Variants in PI4KA observed in about 807,000 individuals in gnomAD.
The protein encoded by PI4KA is PI4-kinase alpha.
PI4KA carries 122 observed loss-of-function variants against 271.4 expected under a neutral mutation model. The observed-to-expected ratio is 0.45, with a 90% confidence interval of 0.39 to 0.52. PI4KA has a LOEUF of 0.52. Ranked by LOEUF, PI4KA falls within the 20% of genes least tolerant of loss-of-function variation. PI4KA has a pLI of 0.00. For synonymous variants in PI4KA, 1,041 were observed against 1,078.8 expected (o/e 0.96, Z 0.69); for missense variants, 1,969 against 2,769.1 (o/e 0.71, Z 6.48).
chr22:20,841,620 G>A (rs1347284426), intron 1 of PI4KA, among the ~76,000 whole-genome samples: 1 of 152,194 alleles, frequency 6.6e-6, no homozygotes, highest in Non-Finnish European at 1.5e-5. Context: ...ATGTCAGGCA[G>A]AATAATGGCA....
At chr22:20,847,067 G>A (rs193128581) in intron 1 of PI4KA, among the ~76,000 whole-genome samples, 13 of 150,946 alleles carry the variant, frequency 8.6e-5, no homozygotes, top group Non-Finnish European at 1.6e-4. Flanking sequence ...AGAATCACTT[G>A]AACCGAGGAG....
At chr22:20,813,243 A>C in intron 8 of PI4KA, 115 bp downstream of exon 8, 1 of 760,584 alleles carries the variant, frequency 1.3e-6, no homozygotes, top group Non-Finnish European at 2.2e-6. Context: ...TATGACTATT[A>C]AATTGTACTT....
intron 27 of PI4KA, 33 bp from the exon 28 acceptor site, chr22:20,750,027 C>T (rs146340712): frequency 9.6e-6 from 14 of 1,452,396 alleles, no homozygotes; most frequent in East Asian, 6.8e-5. Context: ...CTCAACAACC[C>T]GAGGTCAGTT....
At position 20,805,267 on chromosome 22, in the gene PI4KA, GA is replaced by G. The variant is rs1213886480; in HGVS notation, c.1169-103del. On this transcript the variant is annotated intron_variant, in intron 10 of 54. Transcript: ENST00000255882. ...TCTTCCCCTTTTAACAAAAACCCCA[GA>G]AAAGTAGCATTTGCTACTGGCCACT... 9.8e-6 allele frequency: 8 copies of G among 813,716 alleles called. No individual in the cohort carries two copies. In the East Asian group the frequency reaches 1.8e-4, roughly 18 times the overall value. The allele number at this position is 813,716 out of a possible 1,614,324, so 50.4% of individuals were successfully genotyped here. A position where few individuals can be genotyped will look rare whatever the true frequency, so the allele number is the denominator to read the frequency against.
At chr22:20,826,848 T>C (rs1216925126) in intron 3 of PI4KA, among the ~76,000 whole-genome samples, 2 of 152,234 alleles carry the variant, frequency 1.3e-5, no homozygotes, top group African/African-American at 4.8e-5. Context: ...GCCACTTGTA[T>C]GTCTTCTTTT....
At chr22:20,820,042 G>A (rs936002563) in intron 5 of PI4KA, 142 bp from the exon 6 acceptor site, 3 of 737,876 alleles carry the variant, frequency 4.1e-6, no homozygotes, top group South Asian at 1.8e-5. Flanking sequence ...CACAATAATG[G>A]GGTCCACCCC....
rs998423194 is a variant in PI4KA, at chr22:20,729,366, G to A, written c.4629C>T (p.Asn1543=). Residue 1543 remains asparagine, a synonymous_variant, in exon 39 of 55, where the codon AAC becomes AAT. Coordinates refer to ENST00000255882, the MANE Select transcript of PI4KA (RefSeq NM_058004.4). ...GAGAGATGCTCCAGGCGAGGTTCAC[G>A]TTGTCCTTCCACTGCTTCTCACTCA... The part of the protein sequence containing the change: ...ISLSEKQWKD[N]VNLAWSISPY... 25 of 1,613,998 alleles carry A rather than the reference G, an allele frequency of 1.5e-5. No individual in the cohort carries two copies. The highest frequency in any genetic ancestry group is 6.7e-5 in the African/African-American group (5 of 74,924).
At chr22:20,766,813 G>A (rs76907437) in intron 19 of PI4KA, among the ~76,000 whole-genome samples, 4,495 of 152,208 alleles carry the variant, frequency 0.03, 88 homozygotes, top group Middle Eastern at 0.061. Flanking sequence ...ATGAGCACCT[G>A]GTATGGGCCA....
At chr22:20,787,049 A>T in intron 19 of PI4KA, 1 of 1,614,174 alleles carries the variant, frequency 6.2e-7, no homozygotes, top group Non-Finnish European at 8.5e-7. Context: ...AAGAGTGGCC[A>T]ACCCCAGCAG....
At chr22:20,817,551 A>G (rs1921971437) in intron 7 of PI4KA, among the ~76,000 whole-genome samples, 1 of 151,578 alleles carries the variant, frequency 6.6e-6, no homozygotes, top group Non-Finnish European at 1.5e-5. Context: ...CCTGGGCAAC[A>G]TGGCAAAACC....
intron 3 of PI4KA, among the ~76,000 whole-genome samples, chr22:20,826,350 T>C (rs1399507969): frequency 6.6e-6 from 1 of 151,994 alleles, no homozygotes; most frequent in African/African-American, 2.4e-5. Context: ...CAAAAAAAGA[T>C]AAAATAAAAT....
intron 1 of PI4KA, among the ~76,000 whole-genome samples, chr22:20,856,806 G>A (rs1445994104): frequency 2.6e-5 from 4 of 152,194 alleles, no homozygotes; most frequent in African/African-American, 9.7e-5. Context: ...GAATGTTCTC[G>A]TGACTAGTGA....
intron 1 of PI4KA, among the ~76,000 whole-genome samples, chr22:20,856,641 C>T (rs547475615): frequency 6.6e-6 from 1 of 152,172 alleles, no homozygotes; most frequent in African/African-American, 2.4e-5. Context: ...ACCATGTTGG[C>T]CAGGCTGGTC....
intron 14 of PI4KA, 21 bp downstream of exon 14, chr22:20,801,952 G>A (rs756230052): frequency 2.7e-5 from 43 of 1,612,672 alleles, no homozygotes; most frequent in East Asian, 4.5e-5. Flanking sequence ...CTGTCTACTC[G>A]CCACTTGCCC....
chr22:20,821,299 A>C (rs552916012), intron 4 of PI4KA, among the ~76,000 whole-genome samples: 5 of 151,302 alleles, frequency 3.3e-5, no homozygotes, highest in African/African-American at 9.7e-5. Flanking sequence ...GCTTACTGCA[A>C]CCTCCACCTC....
intron 19 of PI4KA, among the ~76,000 whole-genome samples, chr22:20,791,674 C>T (rs1934654296): frequency 6.6e-6 from 1 of 152,090 alleles, no homozygotes; most frequent in Admixed American, 6.5e-5. Context: ...GGGAAGATTG[C>T]TTGAGCTCCA....
chr22:20,728,059 CAAT>C (rs1271206704), intron 39 of PI4KA, among the ~76,000 whole-genome samples, 195 bp from the exon 40 acceptor site: 1 of 152,100 alleles, frequency 6.6e-6, no homozygotes, highest in Non-Finnish European at 1.5e-5. Flanking sequence ...GGACTACAGC[CAAT>C]AATAACTTAA....
At position 20,714,161 on chromosome 22, in the gene PI4KA, C is replaced by T. The variant is rs146098392; in HGVS notation, c.5461+297G>A. ...GCCTCCAGAACTGAGATCGTCCGTA[C>T]GGTAGCCCTGGGAAACTAACACCCC... On this transcript the variant is annotated intron_variant, in intron 47 of 54. Transcript: ENST00000255882. Among the ~76,000 whole-genome samples the T allele has an allele frequency of 5.9e-3, 896 of 152,130 alleles. 8 individuals carry two copies. The highest frequency in any genetic ancestry group is 0.055 in the East Asian group (284 of 5,158).
At chr22:20,852,532 T>C (rs991587934) in intron 1 of PI4KA, among the ~76,000 whole-genome samples, 2 of 152,226 alleles carry the variant, frequency 1.3e-5, no homozygotes, top group Non-Finnish European at 2.9e-5. Flanking sequence ...ATAGTTAATA[T>C]GGCATGGTTA....
Sources: gnomAD v4.1 joint callset for allele counts (sites outside exome capture counted in the v4.1 genomes callset) on GRCh38, gnomAD v4.1.1 for gene constraint, MANE v1.5 for transcripts, NCBI Gene and HGNC (gene_info 2026-07-23, HGNC 2026-07-21) for gene names.